Variants in RNF214 observed in about 807,000 individuals in gnomAD.
RNF214 encodes the protein ring finger protein 214.
In RNF214, 25 loss-of-function variants were observed where a neutral mutation model predicts 75.9. The observed-to-expected ratio is 0.33, with a 90% confidence interval of 0.24 to 0.46. RNF214 has a LOEUF of 0.46. Among genes scored for constraint, RNF214 ranks in the 20% least tolerant of loss-of-function variants. The pLI is 1.00. For missense variants in RNF214, 725 were observed against 857.5 expected (o/e 0.85, Z 1.93); for synonymous variants, 314 against 308.8 (o/e 1.02, Z -0.18).
At chr11:117,261,500 A>T (rs548638084) in intron 6 of RNF214, among the ~76,000 whole-genome samples, 14 of 152,274 alleles carry the variant, frequency 9.2e-5, no homozygotes, top group African/African-American at 2.9e-4. Context: ...GAATCTCTTG[A>T]ACCTGGAAGG....
chr11:117,254,353 A>G (rs1031715495), intron 6 of RNF214, among the ~76,000 whole-genome samples: 32 of 152,168 alleles, frequency 2.1e-4, no homozygotes, highest in African/African-American at 7.7e-4. Flanking sequence ...GTCCCACTCA[A>G]GTGTCCTTCT....
intron 6 of RNF214, among the ~76,000 whole-genome samples, chr11:117,251,283 C>T (rs1421157038): frequency 1.5e-5 from 1 of 66,480 alleles, no homozygotes; most frequent in Non-Finnish European, 2.8e-5. Context: ...CGGGACGGGG[C>T]GGCTGGCCGG....
intron 13 of RNF214, 80 bp downstream of exon 13, chr11:117,282,930 G>A: frequency 3.4e-6 from 4 of 1,165,114 alleles, no homozygotes; most frequent in Non-Finnish European, 5.1e-6. Flanking sequence ...TGGAGTGCAG[G>A]AAGAAACCAT....
chr11:117,286,177 G>T lies in RNF214; in HGVS notation c.*1026G>T, dbSNP rs1047964. ...TTAATTTTTGAAGCAAGAAAGTTAG[G>T]GGGGGACATATTTCCTGTCCTGGGA... is the stretch of plus-strand genomic sequence containing the variant. On this transcript the variant is annotated 3_prime_UTR_variant, in exon 15 of 15. Transcript: ENST00000300650. 1,046 of 152,674 alleles carry T rather than the reference G, an allele frequency of 6.9e-3. 6 individuals are homozygous for T. Among genetic ancestry groups the T allele is most frequent in the Non-Finnish European group, 0.011 (728 of 68,004 alleles). The allele number at this position is 152,674 out of a possible 1,614,324, so 9.5% of individuals were successfully genotyped here.
At chr11:117,278,239 G>C (rs2034055489) in intron 6 of RNF214, among the ~76,000 whole-genome samples, 1 of 152,164 alleles carries the variant, frequency 6.6e-6, no homozygotes, top group African/African-American at 2.4e-5. Context: ...AGGAGGCGGA[G>C]GATGCCATGA....
chr11:117,241,647 C>G (rs1032297127), intron 4 of RNF214, among the ~76,000 whole-genome samples: 3 of 151,510 alleles, frequency 2.0e-5, no homozygotes, highest in Non-Finnish European at 4.4e-5. Flanking sequence ...CAGTTCCTTT[C>G]CTGCTTGTTA....
chr11:117,269,844 C>A (rs1461488536), intron 6 of RNF214, among the ~76,000 whole-genome samples: 1 of 152,128 alleles, frequency 6.6e-6, no homozygotes, highest in East Asian at 1.9e-4. Context: ...GGGCTATGTC[C>A]AGAAAATGTC....
intron 3 of RNF214, chr11:117,239,447 C>G (rs187736871): frequency 5.8e-4 from 261 of 448,266 alleles, no homozygotes; most frequent in Admixed American, 2.6e-3. Context: ...TGTTAATTCT[C>G]TGAGTCACAT....
intron 6 of RNF214, among the ~76,000 whole-genome samples, chr11:117,248,697 A>T (rs1004801900): frequency 6.6e-6 from 1 of 152,196 alleles, no homozygotes; most frequent in Non-Finnish European, 1.5e-5. Flanking sequence ...TCCAGAAATT[A>T]TGAGGAGTGT....
chr11:117,239,231 G>C, intron 3 of RNF214, 120 bp downstream of exon 3: 1 of 980,918 alleles, frequency 1.0e-6, no homozygotes, highest in Non-Finnish European at 1.5e-6. Context: ...TGTTTTTTTT[G>C]CTAGCAACCA....
Position 117,280,204 on chromosome 11 carries a change from G to A in RNF214, c.1090G>A (p.Val364Ile). The change falls in exon 8 of 15, where the codon GTA (valine) becomes ATA (isoleucine). Residue 364 changes from valine (V) to isoleucine (I), a missense_variant. Around this residue, in one of 2 missense-constraint regions of RNF214, gnomAD observed 363 missense variants for 513.0 expected, o/e 0.71. Coordinates refer to ENST00000300650, the MANE Select transcript of RNF214 (RefSeq NM_207343.4). ...LSLESRKELLVLKLEEAEKEA... is the reference protein window; with the variant it reads ...LSLESRKELLILKLEEAEKEA... Reference sequence around the variant, plus strand: ...ACTAGAGAGCCGGAAAGAGTTACTGGTACTGAAACTAGAAGAAGCAGAAAA... The same window carrying A: ...ACTAGAGAGCCGGAAAGAGTTACTGATACTGAAACTAGAAGAAGCAGAAAA... The A allele has an allele frequency of 6.2e-7, 1 of 1,613,690 alleles. No individual in the cohort carries two copies.
At chr11:117,280,315 G>A (rs2134420312) in intron 8 of RNF214, 56 bp downstream of exon 8, 3 of 1,268,488 alleles carry the variant, frequency 2.4e-6, no homozygotes, top group Middle Eastern at 3.7e-4. Flanking sequence ...TTGTTTGTTT[G>A]TTTAGGTTTT....
intron 6 of RNF214, among the ~76,000 whole-genome samples, chr11:117,250,209 A>G (rs2033334995): frequency 6.6e-6 from 1 of 152,210 alleles, no homozygotes; most frequent in East Asian, 1.9e-4. Context: ...TCATTCCAGA[A>G]CTGAGTCCTG....
At position 117,236,107 on chromosome 11, in the gene RNF214, C is replaced by T. The variant is rs528310984; in HGVS notation, c.107+1728C>T. ...TCCCTAGTAGCTGGGATTATAGGCACCTGCTTGGTAGCCCGGCTAATTTTT... is the reference window on the plus strand; with the variant it reads ...TCCCTAGTAGCTGGGATTATAGGCATCTGCTTGGTAGCCCGGCTAATTTTT... On this transcript the variant is annotated intron_variant, in intron 2 of 14. Transcript: ENST00000300650. Among the ~76,000 whole-genome samples, 277 of 151,314 alleles carry T rather than the reference C, an allele frequency of 1.8e-3. 1 individual carries two copies. The highest frequency in any genetic ancestry group is 6.3e-3 in the African/African-American group (259 of 41,162).
Position 117,246,815 on chromosome 11 carries a change from T to G in RNF214, c.826T>G (p.Leu276Val). ...EEEMKNHQEI[L>V]KAIQDVTIKR... Reference sequence around the variant, plus strand: ...GTAATTGTGTGGAACTCAGGAGATATTAAAGGCTATTCAGGATGTGACAAT... The same window carrying G: ...GTAATTGTGTGGAACTCAGGAGATAGTAAAGGCTATTCAGGATGTGACAAT... The change falls in exon 6 of 15, where the codon TTA becomes GTA. Residue 276 changes from leucine to valine, a missense_variant. Physicochemically the swap from Leu to Val is conservative, Grantham distance 32 (BLOSUM62 1). Transcript: ENST00000300650. 6.3e-7 allele frequency: 1 copy of G among 1,591,952 alleles called. No homozygotes were observed. The highest frequency in any genetic ancestry group is 8.6e-7 in the Non-Finnish European group (1 of 1,168,932).
Position 117,281,901 on chromosome 11 carries a change from T to G in RNF214, c.1343T>G (p.Phe448Cys). ...ACCTCTTCTCCTCTGCAGACAGACT[T>G]CATGCTTCAGGTGTTTCAACCCAGT... The part of the protein sequence containing the change: ...TLPPPPSETD[F>C]MLQVFQPSPS... The change falls in exon 11 of 15, where the codon TTC (phenylalanine) becomes TGC (cysteine). Residue 448 changes from phenylalanine (F) to cysteine (C), a missense_variant. This residue lies in a region of RNF214 where 363 missense variants were observed against 513.0 expected (regional missense o/e 0.71). Transcript: ENST00000300650. 6.2e-7 allele frequency: 1 copy of G among 1,613,162 alleles called. No individual in the cohort carries two copies. The highest frequency in any genetic ancestry group is 8.5e-7 in the Non-Finnish European group (1 of 1,179,318).
chr11:117,285,194 C>T lies in RNF214; in HGVS notation c.*43C>T, dbSNP rs1346109553. On this transcript the variant is annotated 3_prime_UTR_variant, in exon 15 of 15. Coordinates refer to ENST00000300650, the MANE Select transcript of RNF214 (RefSeq NM_207343.4). ...GAAGAAGAAGAGAAACTGATGTGAACAGGAAGCGCGGGTTCAAGATTTCTA... is the reference window on the plus strand; with the variant it reads ...GAAGAAGAAGAGAAACTGATGTGAATAGGAAGCGCGGGTTCAAGATTTCTA... The T allele has an allele frequency of 7.3e-7, 1 of 1,360,930 alleles. No homozygotes were observed. The highest frequency in any genetic ancestry group is 1.2e-5 in the South Asian group (1 of 85,880). 84.3% of individuals were successfully genotyped at this position (1,360,930 alleles called of 1,614,324 possible).
chr11:117,249,568 G>A (rs1337058301), intron 6 of RNF214, among the ~76,000 whole-genome samples: 1 of 152,096 alleles, frequency 6.6e-6, no homozygotes, highest in Non-Finnish European at 1.5e-5. Flanking sequence ...CATAGATTTT[G>A]GTCATTATAT....
chr11:117,247,284 G>GT (rs2033249618), intron 6 of RNF214, among the ~76,000 whole-genome samples: 1 of 152,122 alleles, frequency 6.6e-6, no homozygotes, highest in African/African-American at 2.4e-5. Flanking sequence ...GAGGCCAGGA[G>GT]TTTGAGACCA....
Sources: gnomAD v4.1 joint callset for allele counts (sites outside exome capture counted in the v4.1 genomes callset) on GRCh38, gnomAD v4.1.1 for gene constraint, gnomAD v4.1.1 regional missense constraint, MANE v1.5 for transcripts, NCBI Gene and HGNC (gene_info 2026-07-23, HGNC 2026-07-21) for gene names.